Variants in DCDC2 observed in about 807,000 individuals in gnomAD.
The protein encoded by DCDC2 is doublecortin domain containing 2.
Under a neutral mutation model 50.2 loss-of-function variants are expected in DCDC2, and 40 were observed. The observed-to-expected ratio is 0.80, with a 90% CI of 0.62 to 1.04. The LOEUF (loss-of-function observed/expected upper bound fraction) is 1.04, where lower values mean the gene tolerates loss of function less well. DCDC2 is among the 50% of genes least tolerant of loss of function. DCDC2 has a pLI of 0.00. For synonymous variants in DCDC2, 234 were observed against 210.6 expected (o/e 1.11, Z -0.96); for missense variants, 570 against 581.9 (o/e 0.98, Z 0.21).
intron 7 of DCDC2, among the ~76,000 whole-genome samples, chr6:24,235,163 C>T (rs1406298129): frequency 6.6e-6 from 1 of 152,126 alleles, no homozygotes; most frequent in Non-Finnish European, 1.5e-5. Flanking sequence ...ATGTGTAATA[C>T]ATTTTTAACA....
chr6:24,330,128 A>G (rs1330858823), intron 2 of DCDC2, among the ~76,000 whole-genome samples: 1 of 152,160 alleles, frequency 6.6e-6, no homozygotes, highest in East Asian at 1.9e-4. Context: ...ACTGTACCCC[A>G]ATTAGCAATA....
intron 7 of DCDC2, among the ~76,000 whole-genome samples, chr6:24,211,719 C>T (rs1297277203): frequency 2.6e-5 from 4 of 152,138 alleles, no homozygotes; most frequent in Non-Finnish European, 5.9e-5. Context: ...ACTGGAAAAA[C>T]CATGGACATG....
intron 8 of DCDC2, among the ~76,000 whole-genome samples, chr6:24,203,877 A>C (rs374876431): frequency 6.6e-6 from 1 of 152,250 alleles, no homozygotes; most frequent in Non-Finnish European, 1.5e-5. Context: ...GCCAACAAAC[A>C]TAAGAAAAAA....
chr6:24,301,576 T>A, intron 4 of DCDC2, 139 bp downstream of exon 4: 1 of 942,712 alleles, frequency 1.1e-6, no homozygotes, highest in Non-Finnish European at 1.6e-6. Flanking sequence ...ATCTCCATTC[T>A]ACAGATAAAG....
rs1426069341 is a variant in DCDC2 at position 24,337,550 on chromosome 6, T to C, written c.348+16019A>G. Reference sequence around the variant, plus strand: ...GGCTCACACCTGTAATCCCAGCACTTTGGGAGGCCGAGGTGGGCGGATCGC... The same window carrying C: ...GGCTCACACCTGTAATCCCAGCACTCTGGGAGGCCGAGGTGGGCGGATCGC... On this transcript the variant is annotated intron_variant, in intron 2 of 9. Transcript: ENST00000378454. 2.0e-5 allele frequency among the ~76,000 whole-genome samples: 3 copies of C among 152,098 alleles called. No individual in the cohort carries two copies. In the East Asian group the frequency reaches 5.8e-4, roughly 29 times the overall value.
chr6:24,333,254 C>G (rs943896206), intron 2 of DCDC2, among the ~76,000 whole-genome samples: 22 of 152,040 alleles, frequency 1.4e-4, no homozygotes, highest in African/African-American at 4.8e-4. Context: ...CAAGTTCCAT[C>G]CAGGTTCCCA....
At chr6:24,289,071 A>G (rs955615002) in intron 5 of DCDC2, among the ~76,000 whole-genome samples, 165 bp from the exon 6 acceptor site, 7 of 152,362 alleles carry the variant, frequency 4.6e-5, no homozygotes, top group Middle Eastern at 3.4e-3. Flanking sequence ...CACAAAGATC[A>G]TAACATTTCC....
At chr6:24,273,190 A>T (rs1226630258) in intron 7 of DCDC2, among the ~76,000 whole-genome samples, 1 of 152,234 alleles carries the variant, frequency 6.6e-6, no homozygotes, top group Non-Finnish European at 1.5e-5. Flanking sequence ...ATGTAAAGTC[A>T]AATGGCACAA....
At chr6:24,258,284 G>A (rs1762936869) in intron 7 of DCDC2, among the ~76,000 whole-genome samples, 1 of 152,078 alleles carries the variant, frequency 6.6e-6, no homozygotes, top group African/African-American at 2.4e-5. Flanking sequence ...GCGGGGGGTG[G>A]CCAGCTTTTA....
At chr6:24,217,929 T>G (rs1023135434) in intron 7 of DCDC2, among the ~76,000 whole-genome samples, 1 of 152,230 alleles carries the variant, frequency 6.6e-6, no homozygotes, top group Non-Finnish European at 1.5e-5. Context: ...TTCAAGGAAC[T>G]GCTGCCAATA....
At chr6:24,239,081 C>T (rs1046981867) in intron 7 of DCDC2, among the ~76,000 whole-genome samples, 1 of 152,164 alleles carries the variant, frequency 6.6e-6, no homozygotes. Context: ...AAGTGTCAAG[C>T]ATTCATATCA....
chr6:24,264,329 A>T (rs943598120), intron 7 of DCDC2, among the ~76,000 whole-genome samples: 19 of 152,228 alleles, frequency 1.2e-4, no homozygotes, highest in Non-Finnish European at 2.5e-4. Context: ...AGGCAAACAC[A>T]GAATATTATA....
chr6:24,230,357 G>A (rs981618628), intron 7 of DCDC2, among the ~76,000 whole-genome samples: 2 of 152,048 alleles, frequency 1.3e-5, no homozygotes, highest in African/African-American at 4.8e-5. Context: ...ATAAAGACTC[G>A]AGAGCCAGGT....
chr6:24,214,413 T>C (rs1761934104), intron 7 of DCDC2, among the ~76,000 whole-genome samples: 1 of 152,216 alleles, frequency 6.6e-6, no homozygotes, highest in African/African-American at 2.4e-5. Flanking sequence ...TAGATACAGA[T>C]ATTTCAGATT....
intron 2 of DCDC2, among the ~76,000 whole-genome samples, chr6:24,304,668 T>A (rs1759438170): frequency 6.6e-6 from 1 of 152,204 alleles, no homozygotes; most frequent in South Asian, 2.1e-4. Flanking sequence ...GCATATTATC[T>A]TATGTACATA....
intron 7 of DCDC2, among the ~76,000 whole-genome samples, chr6:24,259,030 A>C (rs1762954118): frequency 6.6e-6 from 1 of 152,154 alleles, no homozygotes; most frequent in Non-Finnish European, 1.5e-5. Context: ...CTTTTCAGAG[A>C]ACTTTTGTTC....
At chr6:24,342,950 T>C (rs1490980762) in intron 2 of DCDC2, among the ~76,000 whole-genome samples, 3 of 152,066 alleles carry the variant, frequency 2.0e-5, no homozygotes, top group African/African-American at 7.2e-5. Flanking sequence ...CTTTAGAGAG[T>C]CCTCCTACAA....
intron 7 of DCDC2, among the ~76,000 whole-genome samples, chr6:24,251,891 TCAC>T (rs1338682434): frequency 6.6e-6 from 1 of 152,188 alleles, no homozygotes; most frequent in Non-Finnish European, 1.5e-5. Flanking sequence ...AATGTTACAT[TCAC>T]CACATCAAAT....
At chr6:24,359,921 G>A (rs2793447), upstream of DCDC2, among the ~76,000 whole-genome samples, 145,284 of 152,242 alleles carry the variant, frequency 0.95, 69,515 homozygotes, top group East Asian at 1. Flanking sequence ...GGCCCTGGTT[G>A]GGGAGGCGGG....
Sources: allele counts gnomAD v4.1 joint callset (sites outside exome capture counted in the v4.1 genomes callset), GRCh38; gene constraint gnomAD v4.1.1; transcripts MANE v1.5; gene names NCBI Gene and HGNC (gene_info 2026-07-23, HGNC 2026-07-21).